INTS6: variants seen among roughly 807,000 people sequenced by gnomAD.
The protein encoded by INTS6 is DEAD box protein.
A neutral mutation model predicts 104.9 loss-of-function variants in INTS6; 16 were observed. That is an observed-to-expected ratio of 0.15 (90% confidence interval 0.10 to 0.23). The LOEUF is 0.23. Ranked by LOEUF, INTS6 falls within the 10% of genes least tolerant of loss-of-function variation. INTS6 has a pLI of 1.00. For synonymous variants in INTS6, 324 were observed against 358.7 expected (o/e 0.90, Z 1.09); for missense variants, 584 against 1,062.8 (o/e 0.55, Z 6.26).
chr13:51,395,199 T>A lies in INTS6; in HGVS notation c.613+101A>T, dbSNP rs568560349. ...ATATGCCTAATTCCTAATATTAACT[T>A]GTGAAATAAAAACAAACATGGAGCT... On this transcript the variant is annotated intron_variant, in intron 5 of 17. Coordinates refer to ENST00000311234, the MANE Select transcript of INTS6 (RefSeq NM_012141.3). The A allele has an allele frequency of 4.3e-6, 5 of 1,156,506 alleles. No homozygotes were observed. In the African/African-American group the frequency reaches 7.8e-5, roughly 18 times the overall value. The allele number at this position is 1,156,506 out of a possible 1,614,324, so 71.6% of individuals were successfully genotyped here.
At chr13:51,349,608 T>C (rs944537640), downstream of INTS6, among the ~76,000 whole-genome samples, 2 of 152,170 alleles carry the variant, frequency 1.3e-5, no homozygotes, top group African/African-American at 2.4e-5. Context: ...AGACAGATGG[T>C]GGGACTCATC....
At chr13:51,385,404 G>C (rs1388790906) in intron 7 of INTS6, 1 of 152,218 alleles carries the variant, frequency 6.6e-6, no homozygotes, top group East Asian at 1.9e-4. Context: ...GCATGCACCT[G>C]ACACACAGTT....
chr13:51,451,085 C>T lies in INTS6; in HGVS notation c.279G>A (p.Arg93=), dbSNP rs374621185. ...EGLTTLGQSL[R]TAFDLLNLNR... is the part of the protein sequence containing the mutation. ...TTAAATTTAATAAATCAAAAGCTGT[C>T]CTTAGGGATTGGCCAAGAGTCGTAA... Residue 93 remains arginine (R), a synonymous_variant, in exon 3 of 18, where the codon AGG becomes AGA. Transcript: ENST00000311234. 7.6e-6 allele frequency: 12 copies of T among 1,588,424 alleles called. No homozygotes were observed. The Admixed American group carries it at 2.1e-4, about 28-fold the overall frequency.
intron 4 of INTS6, among the ~76,000 whole-genome samples, chr13:51,410,493 T>C (rs558279458): frequency 6.6e-5 from 10 of 152,312 alleles, no homozygotes; most frequent in Admixed American, 6.5e-4. Context: ...AAAATGCTGA[T>C]ACAATTAATT....
At chr13:51,356,554 G>A (rs965976877) in intron 3 of INTS6, among the ~76,000 whole-genome samples, 1 of 151,932 alleles carries the variant, frequency 6.6e-6, no homozygotes, top group Non-Finnish European at 1.5e-5. Flanking sequence ...ACTGTATTCC[G>A]TGAATCACTA....
intron 4 of INTS6, among the ~76,000 whole-genome samples, chr13:51,412,738 C>T (rs923133114): frequency 1.3e-5 from 2 of 152,218 alleles, no homozygotes; most frequent in East Asian, 1.9e-4. Context: ...GCACACATTT[C>T]ACAACATACC....
chr13:51,386,877 C>T (rs1956149083), intron 7 of INTS6, among the ~76,000 whole-genome samples: 1 of 152,054 alleles, frequency 6.6e-6, no homozygotes, highest in African/African-American at 2.4e-5. Flanking sequence ...TCACCATGAT[C>T]GCTCAGCAAA....
rs751894515 is a variant in INTS6, at chr13:51,387,407, T to C, written c.873A>G (p.Pro291=). ...GHWPVPESFW[P]DQNSPTLPPR... is the part of the protein sequence containing the mutation. Reference sequence around the variant, plus strand: ...TTACTAGTGTTGGCGAATTTTGATCTGGCCAAAAAGACTCTGGAACAGGCC... The same window carrying C: ...TTACTAGTGTTGGCGAATTTTGATCCGGCCAAAAAGACTCTGGAACAGGCC... Residue 291 remains proline, a synonymous_variant, in exon 7 of 18, where the codon CCA becomes CCG. Transcript: ENST00000311234. The C allele has an allele frequency of 3.7e-6, 6 of 1,611,670 alleles. No homozygotes were observed. The East Asian group carries it at 1.1e-4, about 30-fold the overall frequency.
chr13:51,347,030 G>A, the INTS6 span: 1 of 1,577,116 alleles, frequency 6.3e-7, no homozygotes, highest in Non-Finnish European at 8.6e-7. Flanking sequence ...TGCAGGTGGG[G>A]GCCCCAGTGA....
At position 51,364,032 on chromosome 13, in the gene INTS6, T is replaced by C; in HGVS notation, c.*1720A>G. The C allele has an allele frequency of 2.9e-6, 1 of 342,014 alleles. No homozygotes were observed. The highest frequency in any genetic ancestry group is 5.2e-6 in the Non-Finnish European group (1 of 192,514). 21.2% of individuals were successfully genotyped at this position (342,014 alleles called of 1,614,324 possible). On this transcript the variant is annotated 3_prime_UTR_variant, in exon 18 of 18. Transcript: ENST00000311234. Reference sequence around the variant, plus strand: ...TCCTAGTAATTCCAGAATCTAAATATATATAATTTAGGAACAGACAATATA... The same window carrying C: ...TCCTAGTAATTCCAGAATCTAAATACATATAATTTAGGAACAGACAATATA...
intron 4 of INTS6, among the ~76,000 whole-genome samples, chr13:51,414,577 C>T (rs1393186689): frequency 1.3e-5 from 2 of 151,970 alleles, no homozygotes; most frequent in Non-Finnish European, 2.9e-5. Context: ...ACTCTAGTCC[C>T]AATTATTCAG....
intron 4 of INTS6, among the ~76,000 whole-genome samples, chr13:51,398,355 G>C (rs1289410691): frequency 6.6e-6 from 1 of 151,876 alleles, no homozygotes; most frequent in Non-Finnish European, 1.5e-5. Context: ...TTAGTCACTA[G>C]AAAAATATGC....
At chr13:51,383,091 C>T (rs541575379) in intron 9 of INTS6, among the ~76,000 whole-genome samples, 1 of 146,746 alleles carries the variant, frequency 6.8e-6, no homozygotes, top group African/African-American at 2.5e-5. Context: ...CTCCCTCCCC[C>T]ACCCCCCCGC....
At chr13:51,370,017 AG>A (rs774927550) in intron 15 of INTS6, among the ~76,000 whole-genome samples, 2 of 152,172 alleles carry the variant, frequency 1.3e-5, no homozygotes. Context: ...CCAGGATCCC[AG>A]CTGAATTCAT....
In INTS6 at chr13:51,369,192, T is replaced by C; in HGVS notation, c.2223A>G (p.Pro741=). The part of the protein sequence containing the change: ...AMDTEFSASS[P]ASLLERPTNH... The stretch of plus-strand genomic sequence containing the variant: ...TGGTTGGCCGTTCCAGTAAACTGGC[T>C]GGAGAAGATGCTGAAAATTCCGTAT... Residue 741 remains proline (P), a synonymous_variant, in exon 16 of 18, where the codon CCA becomes CCG. Coordinates refer to ENST00000311234, the MANE Select transcript of INTS6 (RefSeq NM_012141.3). 1 of 1,613,898 alleles carries C rather than the reference T, an allele frequency of 6.2e-7. No homozygotes were observed. The highest frequency in any genetic ancestry group is 8.5e-7 in the Non-Finnish European group (1 of 1,179,864).
the INTS6 span, chr13:51,341,283 G>A: frequency 5.6e-6 from 9 of 1,613,728 alleles, no homozygotes; most frequent in Non-Finnish European, 4.2e-6. Context: ...TGGAGATCCT[G>A]CAGTTTGGAG....
chr13:51,404,312 A>C (rs1178981345), intron 4 of INTS6, among the ~76,000 whole-genome samples: 1 of 151,516 alleles, frequency 6.6e-6, no homozygotes, highest in Non-Finnish European at 1.5e-5. Context: ...AAAAAAAACA[A>C]AACTGTGCTC....
rs1165478254 is a variant in INTS6, at chr13:51,374,378, G to C, written c.1934C>G (p.Pro645Arg). Residue 645 changes from proline to arginine, a missense_variant, in exon 15 of 18, where the codon CCC becomes CGC. Transcript: ENST00000311234. ...VAGPQNKHKR[P>R]GEPNMQGIPK... ...GATCCCTTGCATATTTGGTTCTCCG[G>C]GTCGTTTATGTTTATTTTGAGGTCC... The C allele has an allele frequency of 6.2e-7, 1 of 1,613,974 alleles. No homozygotes were observed.
chr13:51,445,982 AAC>A (rs1323549842), intron 3 of INTS6: 2 of 152,232 alleles, frequency 1.3e-5, no homozygotes, highest in African/African-American at 4.8e-5. Flanking sequence ...AAACTCTTAA[AAC>A]ACAGGAGAAA....
Sources: gnomAD v4.1 joint callset for allele counts (sites outside exome capture counted in the v4.1 genomes callset) on GRCh38, gnomAD v4.1.1 for gene constraint, MANE v1.5 for transcripts, NCBI Gene and HGNC (gene_info 2026-07-23, HGNC 2026-07-21) for gene names.